Variants in CORO2B observed in about 807,000 individuals in gnomAD.
The protein encoded by CORO2B is coronin 2B.
In CORO2B, 26 loss-of-function variants were observed where a neutral mutation model predicts 58.8. That is an observed-to-expected ratio of 0.44 (90% CI 0.32 to 0.61). The LOEUF (loss-of-function observed/expected upper bound fraction) is 0.61. Ranked by LOEUF, CORO2B falls within the 20% of genes least tolerant of loss-of-function variation. CORO2B has a pLI of 0.04. For synonymous variants in CORO2B, 242 were observed against 253.8 expected, an observed-to-expected ratio of 0.95 and a Z score of 0.44; for missense variants, 460 against 645.1, an observed-to-expected ratio of 0.71 and a Z score of 3.11.
At chr15:68,559,916 C>T in the CORO2B span, among the ~76,000 whole-genome samples, 1 of 152,232 alleles carries the variant, frequency 6.6e-6, no homozygotes, top group Admixed American at 6.5e-5. This position sits in a 1 kb window ranked among gnomAD's most constrained non-coding sequence, Gnocchi z 4.3. Flanking sequence ...GGTAAGCAGA[C>T]GCTGAGATGG....
At chr15:68,695,399 TG>T (rs977288130) in intron 3 of CORO2B, 143 bp downstream of exon 3, 12 of 651,910 alleles carry the variant, frequency 1.8e-5, no homozygotes, top group African/African-American at 5.4e-5. Context: ...CCCCACGATG[TG>T]GGGGGGATGG....
At chr15:68,702,050 C>G (rs12906690) in intron 3 of CORO2B, among the ~76,000 whole-genome samples, 27,141 of 152,014 alleles carry the variant, frequency 0.18, 3,042 homozygotes, top group Non-Finnish European at 0.25. Flanking sequence ...TGAGACCAGC[C>G]TGGCCAACAT....
chr15:68,657,061 A>G (rs1901831804), intron 2 of CORO2B, among the ~76,000 whole-genome samples: 1 of 152,196 alleles, frequency 6.6e-6, no homozygotes, highest in African/African-American at 2.4e-5. Flanking sequence ...AAAAGTTTGC[A>G]AACTTTAGTT....
chr15:68,577,957 C>T (rs765550337), upstream of CORO2B, among the ~76,000 whole-genome samples: 2 of 152,136 alleles, frequency 1.3e-5, no homozygotes, highest in Non-Finnish European at 2.9e-5. Flanking sequence ...CCAGCACTTC[C>T]GGGCTTGCCA....
At chr15:68,705,593 T>C (rs1892766036) in intron 3 of CORO2B, among the ~76,000 whole-genome samples, 1 of 152,160 alleles carries the variant, frequency 6.6e-6, no homozygotes, top group Admixed American at 6.5e-5. Flanking sequence ...CCTGAGACCC[T>C]ACATCCAACA....
intron 1 of CORO2B, among the ~76,000 whole-genome samples, chr15:68,610,767 G>C (rs1388837620): frequency 6.6e-6 from 1 of 152,162 alleles, no homozygotes; most frequent in Non-Finnish European, 1.5e-5. Flanking sequence ...GGCAGGTTTG[G>C]GAGGCCAATA....
At chr15:68,623,406 G>A (rs564408496) in intron 1 of CORO2B, among the ~76,000 whole-genome samples, 1 of 152,296 alleles carries the variant, frequency 6.6e-6, no homozygotes, top group East Asian at 1.9e-4. Context: ...AGCCCTGGCA[G>A]TGTCCATGCA....
intron 8 of CORO2B, among the ~76,000 whole-genome samples, 162 bp downstream of exon 8, chr15:68,715,473 C>T: frequency 6.6e-6 from 1 of 152,266 alleles, no homozygotes; most frequent in East Asian, 1.9e-4. Context: ...CTGCAGCTGT[C>T]ACTGCCCACT....
At chr15:68,691,101 G>C (rs111684617) in intron 2 of CORO2B, among the ~76,000 whole-genome samples, 36,731 of 150,756 alleles carry the variant, frequency 0.24, 4,635 homozygotes, top group African/African-American at 0.28. Context: ...AGGCCAAGGC[G>C]GGTGGATCAC....
chr15:68,629,951 G>T (rs1335957289), intron 1 of CORO2B, among the ~76,000 whole-genome samples: 1 of 152,200 alleles, frequency 6.6e-6, no homozygotes, highest in African/African-American at 2.4e-5. Flanking sequence ...AAAAGGATAG[G>T]TAATGCCCCT....
intron 1 of CORO2B, among the ~76,000 whole-genome samples, chr15:68,593,646 A>G (rs1899757078): frequency 6.6e-6 from 1 of 150,952 alleles, no homozygotes; most frequent in African/African-American, 2.4e-5. Flanking sequence ...GGGGAAGAAG[A>G]CCCTCTCTGG....
chr15:68,681,475 T>C (rs1902780938), intron 2 of CORO2B, among the ~76,000 whole-genome samples: 2 of 152,102 alleles, frequency 1.3e-5, no homozygotes, highest in African/African-American at 4.8e-5. Flanking sequence ...AAGTTCTGTG[T>C]TTCTGTCAGA....
At chr15:68,623,459 C>T (rs549051845) in intron 1 of CORO2B, among the ~76,000 whole-genome samples, 1 of 152,304 alleles carries the variant, frequency 6.6e-6, no homozygotes, top group East Asian at 1.9e-4. Flanking sequence ...GGCCCACCCA[C>T]AGCTGTGTTT....
At chr15:68,593,124 G>A (rs1566979784) in intron 1 of CORO2B, among the ~76,000 whole-genome samples, 1 of 152,114 alleles carries the variant, frequency 6.6e-6, no homozygotes, top group African/African-American at 2.4e-5. Context: ...CCACTCCCAG[G>A]ATAATCACAT....
At chr15:68,607,085 G>A (rs998011153) in intron 1 of CORO2B, among the ~76,000 whole-genome samples, 5 of 152,156 alleles carry the variant, frequency 3.3e-5, no homozygotes, top group Non-Finnish European at 4.4e-5. Context: ...TGAAGTAGGT[G>A]GAGGGGTTAG....
At chr15:68,579,381 T>G (rs1180392313) in intron 1 of CORO2B, 104 bp downstream of exon 1, 38 of 1,101,156 alleles carry the variant, frequency 3.5e-5, no homozygotes, top group Admixed American at 1.9e-4. Flanking sequence ...GGGGCGCCGG[T>G]GCCGGGAAGG....
chr15:68,589,381 A>G (rs967651148), intron 1 of CORO2B, among the ~76,000 whole-genome samples: 2 of 152,236 alleles, frequency 1.3e-5, no homozygotes, highest in African/African-American at 4.8e-5. Context: ...GATTTTTCGA[A>G]TACCAGGTAT....
chr15:68,681,216 TC>T (rs1479513311), intron 2 of CORO2B, among the ~76,000 whole-genome samples: 1 of 41,084 alleles, frequency 2.4e-5, no homozygotes, highest in Non-Finnish European at 6.2e-5. Context: ...TCCCTCCATC[TC>T]AAAAAAAAAT....
At chr15:68,706,289 C>A in intron 3 of CORO2B, among the ~76,000 whole-genome samples, 1 of 152,220 alleles carries the variant, frequency 6.6e-6, no homozygotes, top group East Asian at 1.9e-4. Flanking sequence ...TAGTTCAACA[C>A]CCTCTCTTCC....
Sources: allele counts gnomAD v4.1 joint callset (sites outside exome capture counted in the v4.1 genomes callset), GRCh38; gene constraint gnomAD v4.1.1; non-coding constraint Gnocchi (gnomAD v3.1); transcripts MANE v1.5; gene names NCBI Gene and HGNC (gene_info 2026-07-23, HGNC 2026-07-21).